The following ACSF2 variants were observed in gnomAD, a reference collection of about 807,000 sequenced individuals.
ACSF2 encodes acyl-CoA synthetase family member 2.
A neutral mutation model predicts 79.3 loss-of-function variants in ACSF2; 52 were observed. The observed-to-expected ratio is 0.66, with a 90% CI of 0.53 to 0.83. The LOEUF (loss-of-function observed/expected upper bound fraction) is 0.83. Ranked by LOEUF, ACSF2 falls within the 40% of genes least tolerant of loss-of-function variation. ACSF2 has a pLI of 0.00. For synonymous variants in ACSF2, 283 were observed against 312.6 expected, an observed-to-expected ratio of 0.91 and a Z score of 1.00; for missense variants, 661 against 803.3, an observed-to-expected ratio of 0.82 and a Z score of 2.14.
chr17:50,461,008 G>A, intron 2 of ACSF2, 136 bp downstream of exon 2: 1 of 1,189,350 alleles, frequency 8.4e-7, no homozygotes, highest in Non-Finnish European at 1.2e-6. Flanking sequence ...AGGGATGGCA[G>A]GAGAAGGAGA....
Position 50,474,759 on chromosome 17 carries a change from G to A in ACSF2, c.*207G>A. 1 of 576,740 alleles carries A rather than the reference G, an allele frequency of 1.7e-6. No homozygotes were observed. The highest frequency in any genetic ancestry group is 3.2e-5 in the Admixed American group (1 of 31,558). The allele number at this position is 576,740 out of a possible 1,614,324, so 35.7% of individuals were successfully genotyped here. Reference sequence around the variant, plus strand: ...TGCCAAAAGGCAGGCAGCCTGCCCAGGCCCTCCCTCCTGTCCATCCCCCAC... The same window carrying A: ...TGCCAAAAGGCAGGCAGCCTGCCCAAGCCCTCCCTCCTGTCCATCCCCCAC... On this transcript the variant is annotated 3_prime_UTR_variant, in exon 16 of 16. Transcript: ENST00000300441. The surrounding 1 kb of genome is among the most constrained non-coding windows in gnomAD (Gnocchi z 4.2).
Position 50,474,077 on chromosome 17 carries a change from G to A in ACSF2, c.1728+73G>A. 1.9e-6 allele frequency: 3 copies of A among 1,571,082 alleles called. No homozygotes were observed. The highest frequency in any genetic ancestry group is 2.6e-6 in the Non-Finnish European group (3 of 1,152,178). Reference sequence around the variant, plus strand: ...ACCCACTCCTCTGCCAACCAGCCCAGGGTGGGGATTGCTCTGCCCTTGACG... The same window carrying A: ...ACCCACTCCTCTGCCAACCAGCCCAAGGTGGGGATTGCTCTGCCCTTGACG... On this transcript the variant is annotated intron_variant, in intron 14 of 15. Coordinates refer to ENST00000300441, the MANE Select transcript of ACSF2 (RefSeq NM_025149.6). The surrounding 1 kb of genome is among the most constrained non-coding windows in gnomAD (Gnocchi z 4.2).
chr17:50,469,253 C>A (rs2032975957), intron 10 of ACSF2, among the ~76,000 whole-genome samples: 1 of 152,268 alleles, frequency 6.6e-6, no homozygotes, highest in African/African-American at 2.4e-5. Context: ...CAGGTTTGAG[C>A]CTCCACGCCG....
At chr17:50,465,307 G>A in intron 10 of ACSF2, 6 of 1,614,096 alleles carry the variant, frequency 3.7e-6, no homozygotes, top group Non-Finnish European at 5.1e-6. Context: ...TTTAATGGCG[G>A]CCAGCTTTCT....
At chr17:50,440,293 CA>C (rs1424875178) in intron 1 of ACSF2, among the ~76,000 whole-genome samples, 3 of 151,454 alleles carry the variant, frequency 2.0e-5, no homozygotes, top group African/African-American at 7.2e-5. Context: ...CTGGGCCCCT[CA>C]CAAATCAAGG....
intron 10 of ACSF2, chr17:50,468,553 G>C (rs373121361): frequency 3.1e-6 from 5 of 1,614,144 alleles, no homozygotes; most frequent in African/African-American, 1.3e-5. Flanking sequence ...CCACCTCGCG[G>C]ATCTGGCAGT....
intron 1 of ACSF2, among the ~76,000 whole-genome samples, chr17:50,448,163 G>C (rs1395102424): frequency 1.3e-5 from 2 of 152,230 alleles, no homozygotes; most frequent in Admixed American, 6.5e-5. Flanking sequence ...TAGAGCCTGT[G>C]CTCCCAGGCT....
At chr17:50,450,167 A>C (rs2031577852) in intron 1 of ACSF2, 1 of 154,288 alleles carries the variant, frequency 6.5e-6, no homozygotes, top group Non-Finnish European at 1.5e-5. Flanking sequence ...TGGGTGTCCT[A>C]TCCACAGGCC....
chr17:50,469,437 C>A lies in ACSF2; in HGVS notation c.1216-1591C>A, dbSNP rs1285517129. On this transcript the variant is annotated intron_variant, in intron 10 of 15. Coordinates refer to ENST00000300441, the MANE Select transcript of ACSF2 (RefSeq NM_025149.6). ...CGGCGTCGGTCTCCCACTTCAGACT[C>A]GACGCGCCGAAGCTGGCCCTGGGTA... 6.6e-5 allele frequency among the ~76,000 whole-genome samples: 10 copies of A among 152,290 alleles called. No homozygotes were observed. The East Asian group carries it at 1.7e-3, about 27-fold the overall frequency.
intron 10 of ACSF2, chr17:50,468,269 G>C: frequency 6.2e-7 from 1 of 1,611,254 alleles, no homozygotes; most frequent in Non-Finnish European, 8.5e-7. Flanking sequence ...GGAGCTCAAC[G>C]CGTTTTCCGA....
intron 1 of ACSF2, among the ~76,000 whole-genome samples, chr17:50,432,380 A>G (rs1032712705): frequency 6.6e-6 from 1 of 152,222 alleles, no homozygotes; most frequent in African/African-American, 2.4e-5. Flanking sequence ...GGCTTGGCCC[A>G]TTCTTACAGT....
In ACSF2 at chr17:50,471,031, G is replaced by A. The variant is rs2033093348; in HGVS notation, c.1219G>A (p.Ala407Thr). Residue 407 changes from alanine to threonine, a missense_variant, in exon 11 of 16, where the codon GCT (alanine) becomes ACT (threonine). Coordinates refer to ENST00000300441, the MANE Select transcript of ACSF2 (RefSeq NM_025149.6). This position sits in a 1 kb window ranked among gnomAD's most constrained non-coding sequence, Gnocchi z 4.1. Reference sequence around the variant, plus strand: ...ACACCCTTTCTGGACCCTCTAGGTTGCTTATGGAACCACAGAGAACAGTCC... The same window carrying A: ...ACACCCTTTCTGGACCCTCTAGGTTACTTATGGAACCACAGAGAACAGTCC... ...NKINMKDLVV[A>T]YGTTENSPVT... 6.2e-7 allele frequency: 1 copy of A among 1,613,684 alleles called. No homozygotes were observed. Among genetic ancestry groups the A allele is most frequent in the Non-Finnish European group, 8.5e-7 (1 of 1,179,634 alleles).
intron 10 of ACSF2, chr17:50,464,826 TG>T (rs946779684): frequency 2.0e-5 from 7 of 353,898 alleles, no homozygotes; most frequent in African/African-American, 1.6e-4. Context: ...GGGGAAGGCA[TG>T]AAGGCTGGGG....
chr17:50,438,442 A>G (rs1389252005), intron 1 of ACSF2, among the ~76,000 whole-genome samples: 2 of 152,136 alleles, frequency 1.3e-5, no homozygotes, highest in African/African-American at 2.4e-5. Context: ...GCAGCAACCA[A>G]GTTTTGCTGT....
chr17:50,464,791 G>A, intron 10 of ACSF2: 1 of 339,066 alleles, frequency 2.9e-6, no homozygotes. Flanking sequence ...CTCAGCAACA[G>A]CTTCTCCAAG....
At chr17:50,464,994 A>C in intron 10 of ACSF2, 1 of 418,586 alleles carries the variant, frequency 2.4e-6, no homozygotes, top group Non-Finnish European at 4.4e-6. Context: ...TGAGAAGGTC[A>C]GTAGTCTCTC....
intron 1 of ACSF2, among the ~76,000 whole-genome samples, chr17:50,449,509 A>G (rs1325926960): frequency 1.4e-5 from 2 of 148,088 alleles, no homozygotes; most frequent in Admixed American, 6.8e-5. Flanking sequence ...GGTTCTTGCC[A>G]TTCTCCTGCC....
intron 1 of ACSF2, among the ~76,000 whole-genome samples, chr17:50,447,573 G>C (rs2031383154): frequency 6.6e-6 from 1 of 151,608 alleles, no homozygotes; most frequent in Non-Finnish European, 1.5e-5. Flanking sequence ...ATAATGAGAT[G>C]ATCAAAGTAT....
At chr17:50,460,624 G>T in intron 1 of ACSF2, 53 bp from the exon 2 acceptor site, 1 of 1,543,750 alleles carries the variant, frequency 6.5e-7, no homozygotes. Flanking sequence ...CATGCCCTTG[G>T]TTCCAGGGAG....
Sources: gnomAD v4.1 joint callset for allele counts (sites outside exome capture counted in the v4.1 genomes callset) on GRCh38, gnomAD v4.1.1 for gene constraint, Gnocchi (gnomAD v3.1) non-coding constraint, MANE v1.5 for transcripts, NCBI Gene and HGNC (gene_info 2026-07-23, HGNC 2026-07-21) for gene names.